The following ULK4 variants were observed in gnomAD, a reference collection of about 807,000 sequenced individuals.
The protein encoded by ULK4 is inactive serine/threonine-protein kinase ULK4.
ULK4 carries 133 observed loss-of-function variants against 160.6 expected under a neutral mutation model. That is an observed-to-expected ratio of 0.83 (90% CI 0.72 to 0.96). The LOEUF is 0.96. ULK4 is among the 40% of genes least tolerant of loss of function. The pLI is 0.00. For synonymous variants in ULK4, 534 were observed against 539.8 expected, an observed-to-expected ratio of 0.99 and a Z score of 0.15; for missense variants, 1,580 against 1,499.5, an observed-to-expected ratio of 1.05 and a Z score of -0.89.
chr3:41,708,570 G>A (rs2036984542), intron 25 of ULK4, among the ~76,000 whole-genome samples: 1 of 151,992 alleles, frequency 6.6e-6, no homozygotes, highest in African/African-American at 2.4e-5. Flanking sequence ...TTATATAGAG[G>A]GAATAAGGTA....
Position 41,895,537 on chromosome 3 carries a change from T to A in ULK4, c.1558A>T (p.Ile520Leu). Residue 520 changes from isoleucine to leucine, a missense_variant, in exon 16 of 37, where the codon ATA becomes TTA. Ile to Leu is a conservative substitution (Grantham distance 5). Coordinates refer to ENST00000301831, the MANE Select transcript of ULK4 (RefSeq NM_017886.4). ...ACTTACATATCCCAGTTTGGAGCTATCCGCAAATGCTGGATTAGCAATTGG... is the reference window on the plus strand; with the variant it reads ...ACTTACATATCCCAGTTTGGAGCTAACCGCAAATGCTGGATTAGCAATTGG... ...LFQLLIQHLR[I>L]APNWDIRAKV... 2 of 1,513,354 alleles carry A rather than the reference T, an allele frequency of 1.3e-6. No homozygotes were observed. Among genetic ancestry groups the A allele is most frequent in the South Asian group, 1.3e-5 (1 of 74,220 alleles). The allele number at this position is 1,513,354 out of a possible 1,614,324, so 93.7% of individuals were successfully genotyped here. A position where few individuals can be genotyped will look rare whatever the true frequency, so the allele number is the denominator to read the frequency against.
At chr3:41,576,540 C>T (rs139308111) in intron 31 of ULK4, among the ~76,000 whole-genome samples, 2 of 152,274 alleles carry the variant, frequency 1.3e-5, no homozygotes, top group East Asian at 3.9e-4. Context: ...AAGGCATAGA[C>T]GGTGTGAGAG....
rs1244859210 is a variant in ULK4, at chr3:41,306,750, G to T, written c.3679-57176C>A. On this transcript the variant is annotated intron_variant, in intron 35 of 36. Coordinates refer to ENST00000301831, the MANE Select transcript of ULK4 (RefSeq NM_017886.4). ...GATTGAGAAATCGGATGGTTGCCGT[G>T]TCTGTGTAGAAAGAAGTAAACATGG... 2.6e-5 allele frequency among the ~76,000 whole-genome samples: 4 copies of T among 151,988 alleles called. No homozygotes were observed. The South Asian group carries it at 6.2e-4, about 24-fold the overall frequency.
intron 35 of ULK4, among the ~76,000 whole-genome samples, chr3:41,315,406 C>T (rs1241980797): frequency 2.0e-5 from 3 of 152,228 alleles, no homozygotes; most frequent in Admixed American, 1.3e-4. Context: ...AAATGGTGTT[C>T]CAGGCTTCTG....
At chr3:41,259,328 TAC>T (rs2078901445) in intron 35 of ULK4, among the ~76,000 whole-genome samples, 1 of 152,142 alleles carries the variant, frequency 6.6e-6, no homozygotes, top group Non-Finnish European at 1.5e-5. Context: ...CACCCTGCAG[TAC>T]ACAGTTTGGG....
chr3:41,435,285 T>C (rs942766875), intron 34 of ULK4, among the ~76,000 whole-genome samples: 2 of 152,186 alleles, frequency 1.3e-5, no homozygotes, highest in Non-Finnish European at 1.5e-5. Context: ...CTCAAGTCTT[T>C]AGTAATGTTG....
intron 35 of ULK4, among the ~76,000 whole-genome samples, chr3:41,279,259 A>AAG (rs2079299285): frequency 3.3e-5 from 4 of 121,064 alleles, no homozygotes; most frequent in African/African-American, 1.4e-4. Flanking sequence ...AAAGAGTAAA[A>AAG]AAAAAAAAAA....
chr3:41,953,285 C>CACATATATATATAT (rs374288098), intron 2 of ULK4, among the ~76,000 whole-genome samples: 1,867 of 85,202 alleles, frequency 0.022, 25 homozygotes, highest in Middle Eastern at 0.034. Context: ...CATATATACA[C>CACATATATATATAT]ATATATATAT....
At chr3:41,285,162 C>T (rs2079433265) in intron 35 of ULK4, among the ~76,000 whole-genome samples, 1 of 152,158 alleles carries the variant, frequency 6.6e-6, no homozygotes, top group South Asian at 2.1e-4. Flanking sequence ...AGCACAGCCA[C>T]TATGGAAAAC....
At chr3:41,393,170 G>C (rs577175326) in intron 35 of ULK4, among the ~76,000 whole-genome samples, 2 of 152,096 alleles carry the variant, frequency 1.3e-5, no homozygotes, top group Non-Finnish European at 2.9e-5. Flanking sequence ...TAACAAAACC[G>C]CTGTATTTTA....
chr3:41,518,773 G>C (rs1168010698), intron 32 of ULK4, among the ~76,000 whole-genome samples: 4 of 152,198 alleles, frequency 2.6e-5, no homozygotes, highest in African/African-American at 9.6e-5. Flanking sequence ...TCTTTGTACG[G>C]GTATGACCTG....
At chr3:41,630,811 T>A (rs976940435) in intron 30 of ULK4, among the ~76,000 whole-genome samples, 3 of 152,196 alleles carry the variant, frequency 2.0e-5, no homozygotes, top group African/African-American at 7.2e-5. Flanking sequence ...AAGCTGCTTC[T>A]GGCCTACTTG....
intron 20 of ULK4, among the ~76,000 whole-genome samples, chr3:41,790,874 G>T (rs1185025397): frequency 6.6e-6 from 1 of 152,128 alleles, no homozygotes; most frequent in African/African-American, 2.4e-5. Context: ...CTGTGTGTAC[G>T]AGTGACTCCA....
intron 11 of ULK4, among the ~76,000 whole-genome samples, chr3:41,910,050 G>A (rs1216577030): frequency 1.3e-5 from 2 of 151,956 alleles, no homozygotes; most frequent in Non-Finnish European, 2.9e-5. Flanking sequence ...ACACCCACCA[G>A]CACGTCCAGC....
At chr3:41,409,010 C>A (rs1559578807) in intron 34 of ULK4, among the ~76,000 whole-genome samples, 2 of 152,118 alleles carry the variant, frequency 1.3e-5, no homozygotes, top group African/African-American at 2.4e-5. Context: ...AGTCCCAGCA[C>A]CTTGGGAGGC....
At position 41,292,837 on chromosome 3, in the gene ULK4, G is replaced by A. The variant is rs538411840; in HGVS notation, c.3679-43263C>T. Among the ~76,000 whole-genome samples the A allele has an allele frequency of 7.9e-5, 12 of 152,206 alleles. No individual in the cohort carries two copies. The South Asian group carries it at 1.5e-3, about 18-fold the overall frequency. ...TGCATGTCTGTAATCCCAGCTACTCGGGAGGCTGAGGCAGAAGAATTGCTT... is the reference window on the plus strand; with the variant it reads ...TGCATGTCTGTAATCCCAGCTACTCAGGAGGCTGAGGCAGAAGAATTGCTT... On this transcript the variant is annotated intron_variant, in intron 35 of 36. Coordinates refer to ENST00000301831, the MANE Select transcript of ULK4 (RefSeq NM_017886.4).
chr3:41,452,644 A>T (rs576693662), intron 34 of ULK4, among the ~76,000 whole-genome samples: 2 of 152,326 alleles, frequency 1.3e-5, no homozygotes, highest in East Asian at 3.9e-4. Flanking sequence ...TGCTTCTTAA[A>T]CAAAAATGCT....
At chr3:41,540,611 A>G (rs1476687048) in intron 32 of ULK4, among the ~76,000 whole-genome samples, 1 of 152,236 alleles carries the variant, frequency 6.6e-6, no homozygotes. Flanking sequence ...AGGAATCACC[A>G]CACTGTCCTC....
chr3:41,332,388 T>A (rs1282854267), intron 35 of ULK4, among the ~76,000 whole-genome samples: 2 of 152,224 alleles, frequency 1.3e-5, no homozygotes, highest in African/African-American at 4.8e-5. Flanking sequence ...TGAATCAACT[T>A]GATTTCATCA....
Sources: gnomAD v4.1 joint callset for allele counts (sites outside exome capture counted in the v4.1 genomes callset) on GRCh38, gnomAD v4.1.1 for gene constraint, MANE v1.5 for transcripts, NCBI Gene and HGNC (gene_info 2026-07-23, HGNC 2026-07-21) for gene names.